Variants in SEC61G observed in about 807,000 individuals in gnomAD.
SEC61G encodes protein transport protein Sec61 subunit gamma.
In SEC61G, 4 loss-of-function variants were observed where a neutral mutation model predicts 7.5. That is an observed-to-expected ratio of 0.54 (90% CI 0.26 to 1.22). The LOEUF is 1.22. Ranked by LOEUF, SEC61G falls within the 50% of genes most tolerant of loss-of-function variation. SEC61G has a pLI of 0.12. For missense variants in SEC61G, 53 were observed against 84.6 expected, an observed-to-expected ratio of 0.63 and a Z score of 1.46; for synonymous variants, 24 against 24.4, an observed-to-expected ratio of 0.98 and a Z score of 0.05.
chr7:54,757,897 G>A (rs1297202131), intron 1 of SEC61G, among the ~76,000 whole-genome samples: 1 of 152,130 alleles, frequency 6.6e-6, no homozygotes, highest in Non-Finnish European at 1.5e-5. Flanking sequence ...AAAAGGTTAC[G>A]CAATTGGTAA....
chr7:54,757,173 G>A lies in SEC61G; in HGVS notation c.94+322C>T, dbSNP rs968490025. Among the ~76,000 whole-genome samples the A allele has an allele frequency of 4.4e-4, 67 of 151,878 alleles. 2 individuals are homozygous for A. Among genetic ancestry groups the A allele is most frequent in the Admixed American group, 4.4e-3 (67 of 15,246 alleles). On this transcript the variant is annotated intron_variant, in intron 2 of 3. Coordinates refer to ENST00000352861, the MANE Select transcript of SEC61G (RefSeq NM_014302.4). ...TTCATGTTAAGGTTTTGTTCGTTGG[G>A]GTGGGAGCTGAGTAGGGAGACTTCA...
rs750702893 is a variant in SEC61G, at chr7:54,759,193, A to G, written c.-42T>C. 3.9e-6 allele frequency: 2 copies of G among 519,066 alleles called. No homozygotes were observed. The highest frequency in any genetic ancestry group is 1.4e-5 in the South Asian group (1 of 71,592). 32.2% of individuals were successfully genotyped at this position (519,066 alleles called of 1,614,324 possible). A position where few individuals can be genotyped will look rare whatever the true frequency, so the allele number is the denominator to read the frequency against. ...GACACCTAAAATGCCAGGGACACGT[A>G]GCACTGGAGCTTGCTGATGGAGGCC... On this transcript the variant is annotated 5_prime_UTR_variant, in exon 1 of 4. Coordinates refer to ENST00000352861, the MANE Select transcript of SEC61G (RefSeq NM_014302.4).
At chr7:54,753,892 A>G (rs1791459335) in intron 3 of SEC61G, among the ~76,000 whole-genome samples, 1 of 151,900 alleles carries the variant, frequency 6.6e-6, no homozygotes. Context: ...AAAGTTCTCA[A>G]TGAATGTTAA....
chr7:54,756,167 C>G (rs1298264441), intron 2 of SEC61G, among the ~76,000 whole-genome samples: 1 of 151,874 alleles, frequency 6.6e-6, no homozygotes, highest in Non-Finnish European at 1.5e-5. Context: ...AGCAAATGAC[C>G]AGAAAATACC....
intron 3 of SEC61G, 73 bp from the exon 4 acceptor site, chr7:54,752,493 A>G (rs6952793): frequency 0.24 from 235,190 of 978,010 alleles, 30,645 homozygotes; most frequent in African/African-American, 0.46. Context: ...TTGAAATGCA[A>G]TATGCTATAA....
intron 3 of SEC61G, among the ~76,000 whole-genome samples, chr7:54,753,472 A>G (rs1583713756): frequency 6.6e-6 from 1 of 152,296 alleles, no homozygotes; most frequent in East Asian, 1.9e-4. Flanking sequence ...AAAAGAAGAA[A>G]AAAATCTTAA....
chr7:54,757,864 G>C (rs1791551174), intron 1 of SEC61G, among the ~76,000 whole-genome samples: 1 of 152,174 alleles, frequency 6.6e-6, no homozygotes, highest in Admixed American at 6.5e-5. Context: ...AATATAAAAA[G>C]CCTATCTCTA....
At chr7:54,755,570 A>C in intron 3 of SEC61G, 1 of 352,686 alleles carries the variant, frequency 2.8e-6, no homozygotes, top group Non-Finnish European at 5.0e-6. Context: ...TTTATTTATT[A>C]AAGAAAATAG....
At chr7:54,754,663 T>C (rs898060647) in intron 3 of SEC61G, 3 of 151,910 alleles carry the variant, frequency 2.0e-5, no homozygotes, top group Non-Finnish European at 4.4e-5. Context: ...CCTGTACCAG[T>C]ACCTGGGATA....
intron 2 of SEC61G, among the ~76,000 whole-genome samples, chr7:54,756,395 C>A (rs916332675): frequency 9.9e-5 from 15 of 152,126 alleles, no homozygotes; most frequent in African/African-American, 3.6e-4. Context: ...GTGGCTTGTG[C>A]CTGTAATCTC....
intron 2 of SEC61G, 122 bp downstream of exon 2, chr7:54,757,373 C>T (rs1431327849): frequency 2.7e-6 from 2 of 748,748 alleles, no homozygotes; most frequent in Non-Finnish European, 4.3e-6. Context: ...AGCTGTCGCG[C>T]AGGATCAATC....
rs1304883209 is a variant in SEC61G at position 54,758,965 on chromosome 7, T to TAC, written c.-7+192_-7+193insGT. ...CGCCGGGAGTCCGCGGCCCTGGGTC[T>TAC]GCCTTCCGCCAGAGGCCGAGTTGGT... On this transcript the variant is annotated intron_variant, in intron 1 of 3. Coordinates refer to ENST00000352861, the MANE Select transcript of SEC61G (RefSeq NM_014302.4). 9 of 308,482 alleles carry TAC rather than the reference T, an allele frequency of 2.9e-5. No homozygotes were observed. In the East Asian group the frequency reaches 1.0e-3, roughly 35 times the overall value. 19.1% of individuals were successfully genotyped at this position (308,482 alleles called of 1,614,324 possible).
rs1180923729 is a variant in SEC61G at position 54,757,540 on chromosome 7, C to G, written c.49G>C (p.Asp17His). 1 of 1,613,978 alleles carries G rather than the reference C, an allele frequency of 6.2e-7. No individual in the cohort carries two copies. Among genetic ancestry groups the G allele is most frequent in the African/African-American group, 1.3e-5 (1 of 74,906 alleles). The change falls in exon 2 of 4, where the codon GAC (aspartate) becomes CAC (histidine). Residue 17 changes from aspartate to histidine, a missense_variant. Coordinates refer to ENST00000352861, the MANE Select transcript of SEC61G (RefSeq NM_014302.4). The stretch of plus-strand genomic sequence containing the variant: ...CATCTTTTAACCAGCCGAATGGAGT[C>G]CTTTACAAACTGCCGACTTGGCTCA... ...FVEPSRQFVK[D>H]SIRLVKRCTK...
In SEC61G at chr7:54,753,530, C is replaced by T. The variant is rs190765259; in HGVS notation, c.198-1110G>A. Among the ~76,000 whole-genome samples the T allele has an allele frequency of 1.9e-3, 295 of 152,214 alleles. 1 individual carries two copies. The highest frequency in any genetic ancestry group is 6.6e-3 in the African/African-American group (276 of 41,532). On this transcript the variant is annotated intron_variant, in intron 3 of 3. Transcript: ENST00000352861. Reference sequence around the variant, plus strand: ...AATGAGTTATTTCCCTTGCTACCATCTCAAAATGATTTAAACAATGATTAT... The same window carrying T: ...AATGAGTTATTTCCCTTGCTACCATTTCAAAATGATTTAAACAATGATTAT...
intron 3 of SEC61G, chr7:54,754,669 G>A (rs1791473557): frequency 6.6e-6 from 1 of 151,654 alleles, no homozygotes; most frequent in Non-Finnish European, 1.5e-5. Flanking sequence ...CCAGTACCTG[G>A]GATAAAATAC....
intron 3 of SEC61G, chr7:54,755,131 T>C (rs577779611): frequency 6.6e-6 from 1 of 152,336 alleles, no homozygotes; most frequent in South Asian, 2.1e-4. Flanking sequence ...ACAAATAAAG[T>C]GATCCCAGTG....
At chr7:54,755,937 GA>G in intron 2 of SEC61G, 56 bp from the exon 3 acceptor site, 4 of 952,824 alleles carry the variant, frequency 4.2e-6, no homozygotes, top group Admixed American at 2.3e-5. Context: ...GAAAGTATGG[GA>G]AAAAAACTAT....
At position 54,752,326 on chromosome 7, in the gene SEC61G, A is replaced by G. The variant is rs754401823; in HGVS notation, c.*85T>C. 9.2e-6 allele frequency: 8 copies of G among 869,472 alleles called. No individual in the cohort carries two copies. The highest frequency in any genetic ancestry group is 1.7e-5 in the African/African-American group (1 of 57,916). The allele number at this position is 869,472 out of a possible 1,614,324, so 53.9% of individuals were successfully genotyped here. A position where few individuals can be genotyped will look rare whatever the true frequency, so the allele number is the denominator to read the frequency against. On this transcript the variant is annotated 3_prime_UTR_variant, in exon 4 of 4. Transcript: ENST00000352861. ...AAAAAAAAAAACCCACAAAACATACAGGCAAATTTGTATTCTGTGAGTTTC... is the reference window on the plus strand; with the variant it reads ...AAAAAAAAAAACCCACAAAACATACGGGCAAATTTGTATTCTGTGAGTTTC...
intron 3 of SEC61G, among the ~76,000 whole-genome samples, chr7:54,752,893 A>G (rs1384272840): frequency 1.3e-5 from 2 of 152,224 alleles, no homozygotes; most frequent in Non-Finnish European, 2.9e-5. Flanking sequence ...CACCTTTTCT[A>G]CAGAAGAACT....
Sources: gnomAD v4.1 joint callset for allele counts (sites outside exome capture counted in the v4.1 genomes callset) on GRCh38, gnomAD v4.1.1 for gene constraint, MANE v1.5 for transcripts, NCBI Gene and HGNC (gene_info 2026-07-23, HGNC 2026-07-21) for gene names.